The following TENM3 variants were observed in gnomAD, a reference collection of about 807,000 sequenced individuals.
The protein encoded by TENM3 is teneurin-3.
TENM3 carries 63 observed loss-of-function variants against 255.1 expected under a neutral mutation model. The ratio of observed to expected loss-of-function variants is 0.25; its 90% CI spans 0.20 to 0.30. The LOEUF (loss-of-function observed/expected upper bound fraction) is 0.30. Ranked by LOEUF, TENM3 falls within the 10% of genes least tolerant of loss-of-function variation. The pLI is 1.00. For missense variants in TENM3, 2,929 were observed against 3,461.1 expected, an observed-to-expected ratio of 0.85 and a Z score of 3.86; for synonymous variants, 1,306 against 1,322.3, an observed-to-expected ratio of 0.99 and a Z score of 0.27.
rs368773604 is a variant in TENM3 at position 182,754,557 on chromosome 4, C to G, written c.4190C>G (p.Ala1397Gly). Reference sequence around the variant, plus strand: ...GTGGAATATCCTGTGGGGAAGCACGCGGTGCAGACAACACTGGAATCAGCC... The same window carrying G: ...GTGGAATATCCTGTGGGGAAGCACGGGGTGCAGACAACACTGGAATCAGCC... ...PGVEYPVGKHAVQTTLESATA... is the reference protein window; with the variant it reads ...PGVEYPVGKHGVQTTLESATA... The change falls in exon 22 of 28, where the codon GCG becomes GGG. Residue 1397 changes from alanine (A) to glycine (G), a missense_variant. Physicochemically the swap from Ala to Gly is moderately conservative, Grantham distance 60. This residue lies in a region of TENM3 where 1,608 missense variants were observed against 1,884.4 expected (regional missense o/e 0.85). Transcript: ENST00000511685. The surrounding 1 kb of genome is among the most constrained non-coding windows in gnomAD (Gnocchi z 5.1). 1.2e-6 allele frequency: 2 copies of G among 1,613,920 alleles called. No homozygotes were observed. Among genetic ancestry groups the G allele is most frequent in the Admixed American group, 3.3e-5 (2 of 60,022 alleles).
chr4:182,075,512 A>G, the TENM3 span, among the ~76,000 whole-genome samples: 1 of 151,972 alleles, frequency 6.6e-6, no homozygotes, highest in Non-Finnish European at 1.5e-5. Context: ...GTTGGTTTTT[A>G]ATAATCTTCA....
At chr4:182,053,339 G>A in the TENM3 span, among the ~76,000 whole-genome samples, 1 of 152,190 alleles carries the variant, frequency 6.6e-6, no homozygotes, top group Non-Finnish European at 1.5e-5. Flanking sequence ...TACACAATGA[G>A]TAGTTGATAA....
intron 3 of TENM3, among the ~76,000 whole-genome samples, chr4:182,446,750 C>T (rs1772947010): frequency 6.6e-6 from 1 of 152,134 alleles, no homozygotes; most frequent in Admixed American, 6.5e-5. Context: ...ATGAGACATG[C>T]CGCCCAGCCT....
intron 1 of TENM3, among the ~76,000 whole-genome samples, chr4:182,195,686 C>T (rs879387420): frequency 4.6e-5 from 7 of 151,994 alleles, no homozygotes; most frequent in African/African-American, 9.7e-5. Context: ...AATACAACTT[C>T]GCTACACTCA....
intron 1 of TENM3, among the ~76,000 whole-genome samples, chr4:182,283,784 C>T (rs542857795): frequency 1.3e-4 from 20 of 152,132 alleles, no homozygotes; most frequent in Non-Finnish European, 2.6e-4. Flanking sequence ...GCAGATGGGG[C>T]AGTCATTTTT....
chr4:181,883,003 A>G, the TENM3 span, among the ~76,000 whole-genome samples: 1 of 152,082 alleles, frequency 6.6e-6, no homozygotes, highest in Non-Finnish European at 1.5e-5. Flanking sequence ...TGTAATTTCA[A>G]TTTTTTCAAT....
chr4:182,771,976 G>A (rs1238084296), intron 22 of TENM3, among the ~76,000 whole-genome samples: 1 of 152,064 alleles, frequency 6.6e-6, no homozygotes, highest in Non-Finnish European at 1.5e-5. Context: ...GTCAGATCAT[G>A]TCAGTCAAAC....
intron 3 of TENM3, among the ~76,000 whole-genome samples, chr4:182,485,097 T>C (rs1734573064): frequency 6.6e-6 from 1 of 152,168 alleles, no homozygotes; most frequent in African/African-American, 2.4e-5. Context: ...ACCATGTTCC[T>C]TGCAGGCACT....
At chr4:182,132,864 C>T in the TENM3 span, among the ~76,000 whole-genome samples, 1 of 152,132 alleles carries the variant, frequency 6.6e-6, no homozygotes, top group Non-Finnish European at 1.5e-5. Flanking sequence ...CCTGGCTCTT[C>T]TACTTACATT....
intron 3 of TENM3, among the ~76,000 whole-genome samples, chr4:182,504,032 T>A (rs553762910): frequency 6.6e-6 from 1 of 152,102 alleles, no homozygotes; most frequent in South Asian, 2.1e-4. Flanking sequence ...TTTATTTTAT[T>A]TACTGCCTTT....
chr4:182,478,128 T>C (rs981554198), intron 3 of TENM3, among the ~76,000 whole-genome samples: 5 of 152,134 alleles, frequency 3.3e-5, no homozygotes, highest in African/African-American at 1.2e-4. Context: ...TTTAGAATTT[T>C]GAATTTTAAA....
At chr4:181,761,078 T>C in the TENM3 span, among the ~76,000 whole-genome samples, 1 of 151,956 alleles carries the variant, frequency 6.6e-6, no homozygotes, top group Non-Finnish European at 1.5e-5. Flanking sequence ...TAGTTGTTCA[T>C]ATTTTAATCA....
At chr4:182,248,290 C>T (rs1194641359) in intron 1 of TENM3, among the ~76,000 whole-genome samples, 1 of 152,024 alleles carries the variant, frequency 6.6e-6, no homozygotes, top group Non-Finnish European at 1.5e-5. Flanking sequence ...AATAAAGTGT[C>T]ACTAAAAAAG....
intron 3 of TENM3, among the ~76,000 whole-genome samples, chr4:182,526,090 C>G (rs1739138841): frequency 6.6e-6 from 1 of 152,182 alleles, no homozygotes; most frequent in South Asian, 2.1e-4. Flanking sequence ...CGCCGTTCTC[C>G]TGCCTCAGCC....
chr4:182,207,930 C>T (rs1754697420), intron 1 of TENM3, among the ~76,000 whole-genome samples: 1 of 152,180 alleles, frequency 6.6e-6, no homozygotes, highest in South Asian at 2.1e-4. Context: ...AAATGGTCAT[C>T]TGGTTAAAAA....
intron 4 of TENM3, among the ~76,000 whole-genome samples, chr4:182,623,011 CTT>C (rs562578993): frequency 2.1e-5 from 3 of 143,078 alleles, no homozygotes; most frequent in African/African-American, 2.6e-5. Context: ...GACAGAGTCT[CTT>C]TTTTTTTTTT....
At chr4:182,414,075 A>G (rs1241422034) in intron 3 of TENM3, among the ~76,000 whole-genome samples, 2 of 152,244 alleles carry the variant, frequency 1.3e-5, no homozygotes, top group African/African-American at 4.8e-5. Flanking sequence ...TTTTACACAC[A>G]GAGATCATAC....
the TENM3 span, among the ~76,000 whole-genome samples, chr4:181,696,753 G>T: frequency 6.6e-6 from 1 of 152,146 alleles, no homozygotes; most frequent in African/African-American, 2.4e-5. Context: ...ACTGAGGCTC[G>T]GGAATTGAAG....
chr4:182,765,205 C>T (rs543600865), intron 22 of TENM3, among the ~76,000 whole-genome samples: 16 of 151,876 alleles, frequency 1.1e-4, no homozygotes, highest in East Asian at 9.7e-4. Context: ...TTGAGAGAGC[C>T]GAAGCTATAA....
Sources: allele counts gnomAD v4.1 joint callset (sites outside exome capture counted in the v4.1 genomes callset), GRCh38; gene constraint gnomAD v4.1.1; regional missense constraint gnomAD v4.1.1; non-coding constraint Gnocchi (gnomAD v3.1); transcripts MANE v1.5; gene names NCBI Gene and HGNC (gene_info 2026-07-23, HGNC 2026-07-21).